The following EED variants were observed in gnomAD, a reference collection of about 807,000 sequenced individuals.
EED encodes polycomb protein EED.
EED carries 9 observed loss-of-function variants against 61.0 expected under a neutral mutation model. The ratio of observed to expected loss-of-function variants is 0.15; its 90% CI spans 0.09 to 0.26. The LOEUF is 0.26. EED is among the 10% of genes least tolerant of loss of function. The pLI, the probability that EED is intolerant of heterozygous loss-of-function variation, is 1.00. For synonymous variants in EED, 187 were observed against 174.4 expected (o/e 1.07, Z -0.57); for missense variants, 315 against 542.3 (o/e 0.58, Z 4.16).
intron 9 of EED, among the ~76,000 whole-genome samples, chr11:86,272,483 G>A (rs868194578): frequency 1.3e-5 from 2 of 152,186 alleles, no homozygotes; most frequent in Middle Eastern, 3.2e-3. Flanking sequence ...AAAAGAATAT[G>A]TACTCTGTTG....
At chr11:86,250,521 T>TG in intron 2 of EED, 73 bp downstream of exon 2, 1 of 1,380,650 alleles carries the variant, frequency 7.2e-7, no homozygotes, top group Non-Finnish European at 9.5e-7. Context: ...ACGCATTTCG[T>TG]ACTCAGGATA....
At chr11:86,264,410 C>A in intron 7 of EED, 147 bp downstream of exon 7, 1 of 529,622 alleles carries the variant, frequency 1.9e-6, no homozygotes. Flanking sequence ...TTTTAATCTC[C>A]AGATGAAGGA....
chr11:86,281,910 A>T (rs984037955), downstream of EED, among the ~76,000 whole-genome samples: 1 of 152,242 alleles, frequency 6.6e-6, no homozygotes, highest in Non-Finnish European at 1.5e-5. Context: ...TAGGAAAGAT[A>T]AAACCAGCTT....
intron 1 of EED, among the ~76,000 whole-genome samples, chr11:86,250,013 A>C (rs890725090): frequency 6.6e-6 from 1 of 152,248 alleles, no homozygotes; most frequent in Non-Finnish European, 1.5e-5. Context: ...ACAGTGTATT[A>C]AAGTGACTGG....
At position 86,244,787 on chromosome 11, in the gene EED, G is replaced by C. The variant is rs1024029180; in HGVS notation, c.-443G>C. Reference sequence around the variant, plus strand: ...ACTTTCGCTCCCTAGCAGCGGGTCGGAGATCGAAGGAACGGGCCAATTGCG... The same window carrying C: ...ACTTTCGCTCCCTAGCAGCGGGTCGCAGATCGAAGGAACGGGCCAATTGCG... On this transcript the variant is annotated 5_prime_UTR_variant, in exon 1 of 12. Transcript: ENST00000263360. 4.3e-6 allele frequency: 1 copy of C among 234,684 alleles called. No individual in the cohort carries two copies. The highest frequency in any genetic ancestry group is 6.1e-5 in the East Asian group (1 of 16,268). The allele number at this position is 234,684 out of a possible 1,614,324, so 14.5% of individuals were successfully genotyped here. A position where few individuals can be genotyped will look rare whatever the true frequency, so the allele number is the denominator to read the frequency against.
intron 6 of EED, chr11:86,263,956 C>T (rs1945909440): frequency 2.0e-6 from 1 of 512,234 alleles, no homozygotes; most frequent in South Asian, 2.8e-5. Context: ...GAGTTTCTAG[C>T]ACATGCTTTT....
Position 86,264,263 on chromosome 11 carries a change from T to G in EED, c.726T>G (p.Ala242=), listed in dbSNP as rs372966988. 1 of 1,611,926 alleles carries G rather than the reference T, an allele frequency of 6.2e-7. No homozygotes were observed. Among genetic ancestry groups the G allele is most frequent in the South Asian group, 1.1e-5 (1 of 90,998 alleles). ...GGCACAGAGATGAAGTTCTAAGTGC[T>G]GTAAGTTGGAAACTGCAGGGCAATG... The part of the protein sequence containing the change: ...VEGHRDEVLS[A]DYDLLGEKIM... Residue 242 remains alanine, a splice_region_variant and synonymous_variant, in exon 7 of 12, where the codon GCT becomes GCG. Transcript: ENST00000263360.
chr11:86,280,863 G>A (rs1946315594), downstream of EED, among the ~76,000 whole-genome samples: 1 of 152,118 alleles, frequency 6.6e-6, no homozygotes, highest in African/African-American at 2.4e-5. Flanking sequence ...TATTTTGTTG[G>A]GAGTTATCAT....
chr11:86,278,017 A>C, intron 11 of EED, 26 bp downstream of exon 11: 1 of 1,488,984 alleles, frequency 6.7e-7, no homozygotes, highest in South Asian at 1.5e-5. Flanking sequence ...TTTCTGTTCA[A>C]AATTTCAGGC....
chr11:86,277,671 A>G (rs1003966978), intron 10 of EED: 7 of 279,904 alleles, frequency 2.5e-5, no homozygotes, highest in African/African-American at 1.3e-4. Flanking sequence ...CATGCTAACA[A>G]TGTAAATTTG....
chr11:86,257,621 G>A, intron 6 of EED, 25 bp downstream of exon 6: 1 of 1,579,668 alleles, frequency 6.3e-7, no homozygotes, highest in Non-Finnish European at 8.6e-7. Flanking sequence ...TGTTTCTTGA[G>A]TCTGTGCAAT....
At position 86,254,394 on chromosome 11, in the gene EED, C is replaced by T. The variant is rs1945615616; in HGVS notation, c.361-828C>T. On this transcript the variant is annotated intron_variant, in intron 3 of 11. Transcript: ENST00000263360. ...GGAGTGCAGTGGTGCAATCTTGGCT[C>T]ACTGCAACTTCTGCCTCCTGGGTTC... Among the ~76,000 whole-genome samples the T allele has an allele frequency of 2.0e-5, 3 of 149,550 alleles. No individual in the cohort carries two copies. The South Asian group carries it at 6.3e-4, about 31-fold the overall frequency.
chr11:86,280,111 C>T (rs1408478677), downstream of EED, among the ~76,000 whole-genome samples: 1 of 152,056 alleles, frequency 6.6e-6, no homozygotes, highest in African/African-American at 2.4e-5. Flanking sequence ...TTTTTGGAGA[C>T]AGTCTCACTC....
rs1318185126 is a variant in EED at position 86,277,153 on chromosome 11, T to G, written c.1125+15T>G. On this transcript the variant is annotated intron_variant, in intron 10 of 11. Transcript: ENST00000263360. ...TCTGGCAAAAGGTATCAACATACTT[T>G]TACATTTTGAAATGATCTGACTTAT... The G allele has an allele frequency of 1.3e-6, 2 of 1,554,304 alleles. No individual in the cohort carries two copies. Among genetic ancestry groups the G allele is most frequent in the Non-Finnish European group, 1.8e-6 (2 of 1,141,532 alleles).
At chr11:86,255,727 A>T (rs1389594527) in intron 4 of EED, among the ~76,000 whole-genome samples, 1 of 152,016 alleles carries the variant, frequency 6.6e-6, no homozygotes, top group African/African-American at 2.4e-5. Context: ...AGAAAAAAAA[A>T]GTTTAGGAAA....
intron 7 of EED, chr11:86,265,100 A>G (rs1475325162): frequency 3.3e-5 from 5 of 152,228 alleles, no homozygotes; most frequent in African/African-American, 1.2e-4. Context: ...AGCCAAGTGA[A>G]CTGTTCTTTA....
chr11:86,268,455 G>T lies in EED; in HGVS notation c.861-1G>T. 1 of 1,556,646 alleles carries T rather than the reference G, an allele frequency of 6.4e-7. No individual in the cohort carries two copies. Among genetic ancestry groups the T allele is most frequent in the Non-Finnish European group, 8.8e-7 (1 of 1,140,060 alleles). On this transcript the variant is annotated splice_acceptor_variant, in intron 8 of 11. Coordinates refer to ENST00000263360, the MANE Select transcript of EED (RefSeq NM_003797.5). LOFTEE classifies it high-confidence loss of function. ...TTTTTACATTTCCATTCTTCCTTCA[G>T]GCCATTTATTTCTCAGAAAATCCAT...
chr11:86,253,905 G>A (rs1945597853), intron 3 of EED, among the ~76,000 whole-genome samples: 1 of 151,784 alleles, frequency 6.6e-6, no homozygotes, highest in Admixed American at 6.6e-5. Flanking sequence ...AAAATTAGCT[G>A]GGCATGATAG....
downstream of EED, among the ~76,000 whole-genome samples, chr11:86,279,842 A>G (rs182546957): frequency 7.9e-4 from 121 of 152,276 alleles, no homozygotes; most frequent in African/African-American, 2.6e-3. Context: ...GAACGCTTCA[A>G]TTGTTTTTTA....
Sources: allele counts gnomAD v4.1 joint callset (sites outside exome capture counted in the v4.1 genomes callset), GRCh38; gene constraint gnomAD v4.1.1; transcripts MANE v1.5; gene names NCBI Gene and HGNC (gene_info 2026-07-23, HGNC 2026-07-21).